Variants in NSUN6 observed in about 807,000 individuals in gnomAD.
The protein encoded by NSUN6 is tRNA (cytosine(72)-C(5))-methyltransferase NSUN6.
NSUN6 carries 64 observed loss-of-function variants against 58.0 expected under a neutral mutation model. That is an observed-to-expected ratio of 1.10 (90% CI 0.90 to 1.36). The LOEUF is 1.36. NSUN6 is among the 40% of genes most tolerant of loss of function. The pLI, the probability that NSUN6 is intolerant of heterozygous loss-of-function variation, is 0.00. For missense variants in NSUN6, 701 were observed against 550.1 expected (o/e 1.27, Z -2.74); for synonymous variants, 231 against 193.9 (o/e 1.19, Z -1.59).
At chr10:18,559,030 G>T (rs979386429) in intron 8 of NSUN6, among the ~76,000 whole-genome samples, 2 of 151,210 alleles carry the variant, frequency 1.3e-5, no homozygotes, top group Non-Finnish European at 3.0e-5. Context: ...ATGGTGAATA[G>T]AATGGAGTGA....
At chr10:18,561,039 G>C (rs1042636722) in intron 8 of NSUN6, among the ~76,000 whole-genome samples, 3 of 151,190 alleles carry the variant, frequency 2.0e-5, no homozygotes, top group Non-Finnish European at 4.4e-5. Flanking sequence ...GAATGGAATG[G>C]AATGCAGAAT....
intron 8 of NSUN6, among the ~76,000 whole-genome samples, chr10:18,563,710 T>C (rs560024914): frequency 2.2e-4 from 33 of 150,184 alleles, no homozygotes; most frequent in African/African-American, 8.1e-4. Flanking sequence ...ATTCCATTCT[T>C]CATTCCACTC....
chr10:18,622,946 T>C (rs1157045690), intron 3 of NSUN6, among the ~76,000 whole-genome samples: 1 of 152,228 alleles, frequency 6.6e-6, no homozygotes, highest in Non-Finnish European at 1.5e-5. Flanking sequence ...AAAGTTCTAC[T>C]GATCCAAATG....
At chr10:18,602,275 G>A (rs1248645236) in intron 6 of NSUN6, among the ~76,000 whole-genome samples, 1 of 147,082 alleles carries the variant, frequency 6.8e-6, no homozygotes, top group Non-Finnish European at 1.5e-5. Flanking sequence ...ACGGAGTCTT[G>A]CTCTGTTGCC....
At chr10:18,639,021 G>A (rs1258745430) in intron 3 of NSUN6, among the ~76,000 whole-genome samples, 2 of 150,472 alleles carry the variant, frequency 1.3e-5, no homozygotes, top group African/African-American at 2.4e-5. Context: ...TTGGGAGGCC[G>A]AGGAGAGTAG....
chr10:18,624,659 A>AAAAAAC (rs2058726996), intron 3 of NSUN6, among the ~76,000 whole-genome samples: 1 of 151,332 alleles, frequency 6.6e-6, no homozygotes, highest in African/African-American at 2.4e-5. Context: ...AAAAAAAAAA[A>AAAAAAC]AAAAAGAACG....
chr10:18,596,755 G>A (rs1403637261), intron 6 of NSUN6, among the ~76,000 whole-genome samples: 6 of 151,974 alleles, frequency 3.9e-5, no homozygotes, highest in East Asian at 1.9e-4. Context: ...TGGTCTCAGC[G>A]GTCATTACTC....
intron 5 of NSUN6, 151 bp from the exon 6 acceptor site, chr10:18,610,077 T>C: frequency 1.6e-6 from 1 of 608,504 alleles, no homozygotes; most frequent in Non-Finnish European, 3.0e-6. Context: ...CCCAGCACTT[T>C]GGGAGGCAGA....
intron 3 of NSUN6, among the ~76,000 whole-genome samples, chr10:18,633,930 C>G (rs1209503540): frequency 1.3e-5 from 2 of 152,204 alleles, no homozygotes; most frequent in Non-Finnish European, 2.9e-5. Flanking sequence ...CGGCTCTGCT[C>G]ACCAGGACTA....
intron 1 of NSUN6, among the ~76,000 whole-genome samples, chr10:18,650,102 C>G (rs2059660390): frequency 6.6e-6 from 1 of 152,148 alleles, no homozygotes; most frequent in African/African-American, 2.4e-5. Context: ...AAAAGACAAT[C>G]AACATTTACT....
intron 3 of NSUN6, among the ~76,000 whole-genome samples, chr10:18,642,216 T>G (rs2059410247): frequency 1.3e-5 from 2 of 150,144 alleles, no homozygotes; most frequent in East Asian, 2.0e-4. Context: ...TCACAGAAAG[T>G]GGGGGGGGGA....
rs111803083 is a variant in NSUN6 at position 18,619,295 on chromosome 10, C to T, written c.312-3002G>A. 6.4e-3 allele frequency among the ~76,000 whole-genome samples: 982 copies of T among 152,310 alleles called. 6 individuals are homozygous for T. The highest frequency in any genetic ancestry group is 0.01 in the Non-Finnish European group (683 of 68,020). ...AATTTAGGTTGCAGCAATTTGCATT[C>T]CAGACCTTTATGACGGAGGGAACTT... On this transcript the variant is annotated intron_variant, in intron 3 of 10. Transcript: ENST00000377304.
chr10:18,616,718 A>G (rs1337834262), intron 3 of NSUN6, among the ~76,000 whole-genome samples: 1 of 152,200 alleles, frequency 6.6e-6, no homozygotes, highest in East Asian at 1.9e-4. Flanking sequence ...AAAAGAAGAT[A>G]AGTCTTTTTT....
At chr10:18,574,339 G>A (rs1055083217) in intron 8 of NSUN6, among the ~76,000 whole-genome samples, 1 of 152,090 alleles carries the variant, frequency 6.6e-6, no homozygotes, top group Non-Finnish European at 1.5e-5. Context: ...GAATCTTAAA[G>A]TATGAAGCCA....
At chr10:18,574,160 G>C (rs1377408516) in intron 8 of NSUN6, among the ~76,000 whole-genome samples, 3 of 152,032 alleles carry the variant, frequency 2.0e-5, no homozygotes, top group Admixed American at 1.3e-4. Context: ...AAATGTCTTA[G>C]ACCCAGTCAC....
chr10:18,575,876 C>T (rs2056622880), intron 8 of NSUN6, among the ~76,000 whole-genome samples: 1 of 152,150 alleles, frequency 6.6e-6, no homozygotes, highest in South Asian at 2.1e-4. Context: ...TCTCTTAAAA[C>T]TAAAGGTCTA....
chr10:18,644,039 C>T (rs768035493), intron 2 of NSUN6, among the ~76,000 whole-genome samples: 2 of 152,090 alleles, frequency 1.3e-5, no homozygotes, highest in East Asian at 1.9e-4. Context: ...AATTTACATA[C>T]CATAAATTTC....
In NSUN6 at chr10:18,551,874, A is replaced by T; in HGVS notation, c.1020T>A (p.Ser340=). ...GQRPNMACTW[S]VKEVASYQPL... ...GCTGATATGATGCCACTTCCTTCAC[A>T]GACCAAGTACAGGCCATGTTTGGTC... Residue 340 remains serine (S), a synonymous_variant, in exon 9 of 11, where the codon TCT becomes TCA. Transcript: ENST00000377304. 1.2e-6 allele frequency: 2 copies of T among 1,613,744 alleles called. No homozygotes were observed. The highest frequency in any genetic ancestry group is 1.7e-6 in the Non-Finnish European group (2 of 1,179,690).
At chr10:18,565,318 C>A (rs2055844778) in intron 8 of NSUN6, among the ~76,000 whole-genome samples, 1 of 151,024 alleles carries the variant, frequency 6.6e-6, no homozygotes, top group Non-Finnish European at 1.5e-5. Flanking sequence ...GATTCCATTC[C>A]ATTCTCCATT....
Sources: allele counts gnomAD v4.1 joint callset (sites outside exome capture counted in the v4.1 genomes callset), GRCh38; gene constraint gnomAD v4.1.1; transcripts MANE v1.5; gene names NCBI Gene and HGNC (gene_info 2026-07-23, HGNC 2026-07-21).